Variants in PLPPR1 observed in about 807,000 individuals in gnomAD.
PLPPR1 encodes the protein phospholipid phosphatase related 1, also known as phospholipid phosphatase-related protein type 1.
PLPPR1 carries 10 observed loss-of-function variants against 33.1 expected under a neutral mutation model. That is an observed-to-expected ratio of 0.30 (90% CI 0.19 to 0.51). The LOEUF (loss-of-function observed/expected upper bound fraction) is 0.51, where lower values mean the gene tolerates loss of function less well. Among genes scored for constraint, PLPPR1 ranks in the 20% least tolerant of loss-of-function variants. The probability of loss-of-function intolerance (pLI) is 0.97; values close to 1 mark genes in which losing one functional copy is unlikely to be tolerated. For missense variants in PLPPR1, 304 were observed against 408.1 expected, an observed-to-expected ratio of 0.74 and a Z score of 2.20; for synonymous variants, 151 against 151.0, an observed-to-expected ratio of 1.00 and a Z score of 0.00.
chr9:101,322,536 A>C (rs1313006338), intron 7 of PLPPR1: 1 of 152,130 alleles, frequency 6.6e-6, no homozygotes, highest in African/African-American at 2.4e-5. Context: ...ATAGAGGAGT[A>C]ATGGCAGGGA....
At chr9:101,063,375 C>T (rs558457111) in intron 1 of PLPPR1, among the ~76,000 whole-genome samples, 93 of 152,082 alleles carry the variant, frequency 6.1e-4, no homozygotes, top group African/African-American at 2.0e-3. Flanking sequence ...GTCCAGCTGG[C>T]GCTTAAGCAG....
intron 1 of PLPPR1, among the ~76,000 whole-genome samples, chr9:101,106,476 C>T (rs1830972494): frequency 8.7e-6 from 1 of 115,596 alleles, no homozygotes; most frequent in East Asian, 3.1e-4. Flanking sequence ...GAATATTGGC[C>T]CCCACTCTCT....
chr9:101,157,233 T>C (rs1011307599), intron 1 of PLPPR1, among the ~76,000 whole-genome samples: 3 of 152,288 alleles, frequency 2.0e-5, no homozygotes, highest in East Asian at 1.9e-4. Context: ...TTGGGAAATA[T>C]TCAGGAGGTA....
At chr9:101,029,579 T>C (rs901289305) in intron 1 of PLPPR1, among the ~76,000 whole-genome samples, 7 of 152,172 alleles carry the variant, frequency 4.6e-5, no homozygotes, top group Admixed American at 1.3e-4. Flanking sequence ...CCCTCAGGCA[T>C]GGGCACCTGT....
At chr9:101,280,088 C>G (rs971581010) in intron 3 of PLPPR1, among the ~76,000 whole-genome samples, 1 of 151,874 alleles carries the variant, frequency 6.6e-6, no homozygotes, top group African/African-American at 2.4e-5. Context: ...CAAATAAAAT[C>G]AGAGATGAAA....
intron 1 of PLPPR1, among the ~76,000 whole-genome samples, chr9:101,050,204 G>T (rs1222437891): frequency 1.3e-5 from 2 of 150,858 alleles, no homozygotes; most frequent in Admixed American, 1.3e-4. Flanking sequence ...TATAACAGGA[G>T]CTTCCTTAAA....
intron 2 of PLPPR1, among the ~76,000 whole-genome samples, chr9:101,241,293 G>A (rs979216644): frequency 6.6e-6 from 1 of 151,996 alleles, no homozygotes; most frequent in African/African-American, 2.4e-5. Flanking sequence ...CTCATTCAAG[G>A]AGTCCTCAGT....
chr9:101,322,459 T>C (rs1386407241), intron 7 of PLPPR1: 1 of 152,082 alleles, frequency 6.6e-6, no homozygotes, highest in African/African-American at 2.4e-5. Context: ...AAAGTTTCTA[T>C]TATATTACCA....
At chr9:101,162,583 G>A (rs1825781321) in intron 1 of PLPPR1, among the ~76,000 whole-genome samples, 1 of 151,890 alleles carries the variant, frequency 6.6e-6, no homozygotes, top group African/African-American at 2.4e-5. Context: ...GAGCCATTGA[G>A]GCTTCTTAGC....
Position 101,047,852 on chromosome 9 carries a change from T to C in PLPPR1, c.-46+18750T>C, listed in dbSNP as rs571485731. ...TCTTTGAGCAGCCCTTCAATTTTGTTTTCTACCCTTTTGATTACTCTCATG... is the reference window on the plus strand; with the variant it reads ...TCTTTGAGCAGCCCTTCAATTTTGTCTTCTACCCTTTTGATTACTCTCATG... On this transcript the variant is annotated intron_variant, in intron 1 of 7. Coordinates refer to ENST00000374874, the MANE Select transcript of PLPPR1 (RefSeq NM_207299.2). Among the ~76,000 whole-genome samples, 168 of 152,336 alleles carry C rather than the reference T, an allele frequency of 1.1e-3. 1 individual carries two copies. The highest frequency in any genetic ancestry group is 5.6e-4 in the Non-Finnish European group (38 of 68,036).
intron 1 of PLPPR1, among the ~76,000 whole-genome samples, chr9:101,034,069 C>A (rs771251820): frequency 6.6e-6 from 1 of 151,740 alleles, no homozygotes; most frequent in Non-Finnish European, 1.5e-5. Context: ...ACGTGCAATG[C>A]GTAACTATCA....
chr9:101,252,424 A>G (rs1827727844), intron 2 of PLPPR1, among the ~76,000 whole-genome samples: 2 of 152,152 alleles, frequency 1.3e-5, no homozygotes, highest in African/African-American at 2.4e-5. Context: ...TGACAGCCAC[A>G]AGGAGTTTGA....
intron 2 of PLPPR1, among the ~76,000 whole-genome samples, chr9:101,213,460 C>G (rs1826724133): frequency 6.6e-6 from 1 of 152,038 alleles, no homozygotes; most frequent in South Asian, 2.1e-4. Context: ...AGTAAAAGTG[C>G]AGAAGCATAT....
At chr9:101,248,350 A>T (rs932051793) in intron 2 of PLPPR1, among the ~76,000 whole-genome samples, 1 of 152,102 alleles carries the variant, frequency 6.6e-6, no homozygotes, top group African/African-American at 2.4e-5. Flanking sequence ...CTCTAAATGT[A>T]TCTTACAAAG....
intron 1 of PLPPR1, among the ~76,000 whole-genome samples, chr9:101,058,321 A>C (rs1830303277): frequency 6.7e-6 from 1 of 148,744 alleles, no homozygotes. Context: ...CTCACATAAG[A>C]TACTTCATGG....
At chr9:101,107,812 G>A (rs1337026077) in intron 1 of PLPPR1, among the ~76,000 whole-genome samples, 9 of 148,182 alleles carry the variant, frequency 6.1e-5, no homozygotes, top group Non-Finnish European at 1.0e-4. Context: ...TTCCGTGGGC[G>A]TAGGACCCTC....
At chr9:101,273,977 G>T (rs371424682) in intron 3 of PLPPR1, among the ~76,000 whole-genome samples, 1 of 152,122 alleles carries the variant, frequency 6.6e-6, no homozygotes. Context: ...AAGATTTTCA[G>T]CAGAAGCTCT....
Position 101,269,886 on chromosome 9 carries a change from A to T in PLPPR1, c.70A>T (p.Ile24Phe). The change falls in exon 3 of 8, where the codon ATC (isoleucine) becomes TTC (phenylalanine). Residue 24 changes from isoleucine (I) to phenylalanine (F), a missense_variant. Transcript: ENST00000374874. ...GGCCATGCTGTATTTTCAGCTTGTC[A>T]TCATGGCTGGGACAGTGCTGCTTGC... ...IPCFIFVELV[I>F]MAGTVLLAYY... is the part of the protein sequence containing the mutation. The T allele has an allele frequency of 6.2e-7, 1 of 1,614,072 alleles. No individual in the cohort carries two copies. The highest frequency in any genetic ancestry group is 8.5e-7 in the Non-Finnish European group (1 of 1,180,022).
At chr9:101,114,899 T>C (rs943456944) in intron 1 of PLPPR1, among the ~76,000 whole-genome samples, 15 of 152,130 alleles carry the variant, frequency 9.9e-5, no homozygotes, top group African/African-American at 3.6e-4. Context: ...TTAGGACAAT[T>C]TGTTAATGGT....
Sources: gnomAD v4.1 joint callset for allele counts (sites outside exome capture counted in the v4.1 genomes callset) on GRCh38, gnomAD v4.1.1 for gene constraint, MANE v1.5 for transcripts, NCBI Gene and HGNC (gene_info 2026-07-23, HGNC 2026-07-21) for gene names.